Variants in BMI1 observed in about 807,000 individuals in gnomAD.
BMI1 encodes the protein polycomb complex protein BMI-1.
Under a neutral mutation model 39.1 loss-of-function variants are expected in BMI1, and 9 were observed. That is an observed-to-expected ratio of 0.23 (90% confidence interval 0.14 to 0.40). The LOEUF is 0.40. BMI1 is among the 10% of genes least tolerant of loss of function. The pLI, the probability that BMI1 is intolerant of heterozygous loss-of-function variation, is 1.00. For synonymous variants in BMI1, 131 were observed against 127.9 expected, an observed-to-expected ratio of 1.02 and a Z score of -0.16; for missense variants, 252 against 390.8, an observed-to-expected ratio of 0.64 and a Z score of 2.99.
At position 22,331,332 on chromosome 10, in the gene BMI1, T is replaced by TTACA. The variant is rs1199531438; in HGVS notation, c.*1791_*1794dup. ...GAAGTTATGGAAAACCTATAGAGGA[T>TTACA]TACAACAGGTAAACGTTAAAGAGAA... On this transcript the variant is annotated 3_prime_UTR_variant, in exon 10 of 10. Coordinates refer to ENST00000376663, the MANE Select transcript of BMI1 (RefSeq NM_005180.9). The TTACA allele has an allele frequency of 1.3e-5, 2 of 152,168 alleles. No homozygotes were observed. The highest frequency in any genetic ancestry group is 2.9e-5 in the Non-Finnish European group (2 of 67,970). The allele number at this position is 152,168 out of a possible 1,614,324, so 9.4% of individuals were successfully genotyped here.
intron 1 of BMI1, among the ~76,000 whole-genome samples, chr10:22,323,912 A>G (rs1836069045): frequency 6.6e-6 from 1 of 152,238 alleles, no homozygotes; most frequent in Admixed American, 6.5e-5. Context: ...ACTACTTTCA[A>G]AGGGCATAAA....
rs1321210713 is a variant in BMI1 at position 22,326,960 on chromosome 10, C to T, written c.183C>T (p.His61=). 3 of 1,614,002 alleles carry T rather than the reference C, an allele frequency of 1.9e-6. No homozygotes were observed. Among genetic ancestry groups the T allele is most frequent in the Non-Finnish European group, 8.5e-7 (1 of 1,179,926 alleles). ...GTCCTATTTGTGATGTCCAAGTTCA[C>T]AAGACCAGACCACTACTGAATATAA... is the stretch of plus-strand genomic sequence containing the variant. The part of the protein sequence containing the change: ...KYCPICDVQV[H]KTRPLLNIRS... Residue 61 remains histidine, a synonymous_variant, in exon 3 of 10, where the codon CAC becomes CAT. Transcript: ENST00000376663.
chr10:22,328,464 G>A (rs1416101813), intron 7 of BMI1, 136 bp from the exon 8 acceptor site: 9 of 836,020 alleles, frequency 1.1e-5, no homozygotes, highest in Non-Finnish European at 1.6e-5. Flanking sequence ...AGTAAACTCA[G>A]AGTGTAATTA....
intron 1 of BMI1, chr10:22,325,655 A>C (rs1173758082): frequency 7.0e-6 from 1 of 143,648 alleles, no homozygotes; most frequent in African/African-American, 2.6e-5. Flanking sequence ...GCCGCCCCGC[A>C]CGCCCGCCGA....
intron 1 of BMI1, among the ~76,000 whole-genome samples, chr10:22,324,337 C>T (rs1041868130): frequency 2.6e-5 from 4 of 152,194 alleles, no homozygotes; most frequent in Non-Finnish European, 5.9e-5. Context: ...TCTTTAAGCA[C>T]CAAGAAGGCT....
intron 8 of BMI1, 84 bp downstream of exon 8, chr10:22,328,782 A>G: frequency 4.4e-6 from 6 of 1,371,348 alleles, no homozygotes; most frequent in Admixed American, 2.6e-5. Context: ...TGAACCCAAA[A>G]AAGCAATAGA....
intron 1 of BMI1, among the ~76,000 whole-genome samples, chr10:22,325,459 T>A (rs1363840057): frequency 3.3e-5 from 5 of 152,050 alleles, no homozygotes; most frequent in Admixed American, 6.5e-5. Flanking sequence ...TCGCGGGCGC[T>A]GCCGCAGGCT....
chr10:22,328,882 ACACT>A, intron 8 of BMI1, among the ~76,000 whole-genome samples, 162 bp from the exon 9 acceptor site: 1 of 152,120 alleles, frequency 6.6e-6, no homozygotes, highest in Non-Finnish European at 1.5e-5. Context: ...AAATCCCTTA[ACACT>A]CTCTAGAAAT....
At position 22,326,417 on chromosome 10, in the gene BMI1, T is replaced by C. The variant is rs190796224; in HGVS notation, c.-19-14T>C. 1.7e-3 allele frequency: 2,726 copies of C among 1,610,052 alleles called. 11 individuals are homozygous for C. The highest frequency in any genetic ancestry group is 3.0e-3 in the South Asian group (271 of 91,048). ...TGTTCTGTGAATTATGGCCATTATT[T>C]CTGTGTCTTGCAGGATTTTTTATCA... On this transcript the variant is annotated splice_polypyrimidine_tract_variant and intron_variant, in intron 1 of 9. Coordinates refer to ENST00000376663, the MANE Select transcript of BMI1 (RefSeq NM_005180.9).
At chr10:22,326,314 A>T in intron 1 of BMI1, 117 bp from the exon 2 acceptor site, 1 of 1,398,348 alleles carries the variant, frequency 7.2e-7, no homozygotes, top group Non-Finnish European at 9.6e-7. Flanking sequence ...ACGTTAGGAC[A>T]GCCCAGCTGT....
rs1357632072 is a variant in BMI1 at position 22,322,384 on chromosome 10, TG to T, written c.-20+694del. Among the ~76,000 whole-genome samples, 4 of 152,162 alleles carry T rather than the reference TG, an allele frequency of 2.6e-5. No individual in the cohort carries two copies. The East Asian group carries it at 5.8e-4, about 22-fold the overall frequency. On this transcript the variant is annotated intron_variant, in intron 1 of 9. Coordinates refer to ENST00000376663, the MANE Select transcript of BMI1 (RefSeq NM_005180.9). The stretch of plus-strand genomic sequence containing the variant: ...CGACGAAAATGTTATTAACTTAAGT[TG>T]GGGGGACACTTGTCTGAGATTGGAT...
Position 22,330,827 on chromosome 10 carries a change from T to C in BMI1, c.*1285T>C, listed in dbSNP as rs1331034418. ...CAGGTATTTTTAAATAGAGCAAGCA[T>C]GTTGAATTTAAAATATGAATAACCC... is the stretch of plus-strand genomic sequence containing the variant. On this transcript the variant is annotated 3_prime_UTR_variant, in exon 10 of 10. Coordinates refer to ENST00000376663, the MANE Select transcript of BMI1 (RefSeq NM_005180.9). 6.6e-6 allele frequency: 1 copy of C among 152,586 alleles called. No homozygotes were observed. The highest frequency in any genetic ancestry group is 2.4e-5 in the African/African-American group (1 of 41,450). 9.5% of individuals were successfully genotyped at this position (152,586 alleles called of 1,614,324 possible).
At chr10:22,324,316 A>G (rs1836078698) in intron 1 of BMI1, among the ~76,000 whole-genome samples, 1 of 152,228 alleles carries the variant, frequency 6.6e-6, no homozygotes, top group South Asian at 2.1e-4. Context: ...GTGGTTTCAC[A>G]AGGAGAATTT....
chr10:22,328,820 T>A (rs1279619406), intron 8 of BMI1, 122 bp downstream of exon 8: 4 of 1,114,720 alleles, frequency 3.6e-6, no homozygotes, highest in Non-Finnish European at 5.0e-6. Flanking sequence ...GTGCTAAAGT[T>A]GAAATTTATC....
intron 7 of BMI1, 48 bp from the exon 8 acceptor site, chr10:22,328,552 C>T (rs374516362): frequency 1.9e-6 from 3 of 1,550,548 alleles, no homozygotes; most frequent in Non-Finnish European, 2.6e-6. Context: ...AAACTTTCTT[C>T]ATATCTTAAA....
In BMI1 at chr10:22,326,489, C is replaced by T; in HGVS notation, c.40C>T (p.Pro14Ser). The T allele has an allele frequency of 6.2e-7, 1 of 1,614,046 alleles. No individual in the cohort carries two copies. The highest frequency in any genetic ancestry group is 8.5e-7 in the Non-Finnish European group (1 of 1,180,030). Reference protein sequence around the residue: ...TTRIKITELNPHLMCVLCGGY... With the variant: ...TTRIKITELNSHLMCVLCGGY... ...GAGAATCAAGATCACTGAGCTAAAT[C>T]CCCACCTGATGTGTGTGCTTTGTGG... Residue 14 changes from proline to serine, a missense_variant, in exon 2 of 10, where the codon CCC (proline) becomes TCC (serine). By Grantham distance (74) the Pro-to-Ser change is moderately conservative. Coordinates refer to ENST00000376663, the MANE Select transcript of BMI1 (RefSeq NM_005180.9).
intron 1 of BMI1, chr10:22,326,004 C>T (rs1836141073): frequency 6.5e-6 from 1 of 153,538 alleles, no homozygotes. Flanking sequence ...ACCGGAACCC[C>T]GGATTTTCAC....
In BMI1 at chr10:22,321,241, G is replaced by A. The variant is rs1321402977; in HGVS notation, c.-475G>A. 2.0e-5 allele frequency: 3 copies of A among 151,342 alleles called. No individual in the cohort carries two copies. The highest frequency in any genetic ancestry group is 7.3e-5 in the African/African-American group (3 of 41,216). 9.4% of individuals were successfully genotyped at this position (151,342 alleles called of 1,614,324 possible). The stretch of plus-strand genomic sequence containing the variant: ...ACTATGAAATAATCGTAGTATGAGA[G>A]GCAGAGATCGGGGCGAGACAATGGG... On this transcript the variant is annotated 5_prime_UTR_variant, in exon 1 of 10. Transcript: ENST00000376663.
At position 22,327,752 on chromosome 10, in the gene BMI1, G is replaced by A. The variant is rs1588620811; in HGVS notation, c.276G>A (p.Lys92=). 6.2e-7 allele frequency: 1 copy of A among 1,613,360 alleles called. No individual in the cohort carries two copies. The highest frequency in any genetic ancestry group is 8.5e-7 in the Non-Finnish European group (1 of 1,179,600). The change falls in exon 5 of 10, where the codon AAG becomes AAA. Residue 92 remains lysine (K), a synonymous_variant. Transcript: ENST00000376663. ...LVPGLFKNEM[K]RRRDFYAAHP... Reference sequence around the variant, plus strand: ...TTTTTCCCCATTCAGATGAAATGAAGAGAAGAAGGGATTTTTATGCAGCTC... The same window carrying A: ...TTTTTCCCCATTCAGATGAAATGAAAAGAAGAAGGGATTTTTATGCAGCTC...
Sources: gnomAD v4.1 joint callset for allele counts (sites outside exome capture counted in the v4.1 genomes callset) on GRCh38, gnomAD v4.1.1 for gene constraint, MANE v1.5 for transcripts, NCBI Gene and HGNC (gene_info 2026-07-23, HGNC 2026-07-21) for gene names.